The following TMEM71 variants were observed in gnomAD, a reference collection of about 807,000 sequenced individuals.
TMEM71 encodes transmembrane protein 71.
Under a neutral mutation model 38.0 loss-of-function variants are expected in TMEM71, and 44 were observed. The ratio of observed to expected loss-of-function variants is 1.16; its 90% CI spans 0.91 to 1.49. TMEM71 has a LOEUF of 1.49. TMEM71 is among the 40% of genes most tolerant of loss of function. TMEM71 has a pLI of 0.00. For synonymous variants in TMEM71, 133 were observed against 122.5 expected (o/e 1.09, Z -0.56); for missense variants, 367 against 348.6 (o/e 1.05, Z -0.42).
rs139679751 is a variant in TMEM71 at position 132,757,254 on chromosome 8, A to C, written c.81T>G (p.Ser27=). 3 of 1,611,228 alleles carry C rather than the reference A, an allele frequency of 1.9e-6. No homozygotes were observed. Among genetic ancestry groups the C allele is most frequent in the Non-Finnish European group, 2.5e-6 (3 of 1,178,004 alleles). ...TATACCTTGGGAAAATGCACGTGGG[A>C]GACAGCTCTCCAGCATATTCTCTTT... ...RLEREYAGEL[S]PTCIFPSFTC... The change falls in exon 3 of 10, where the codon TCT becomes TCG. Residue 27 remains serine, a synonymous_variant. Transcript: ENST00000677595.
chr8:132,729,730 T>C (rs909426899), intron 5 of TMEM71, among the ~76,000 whole-genome samples: 41 of 152,028 alleles, frequency 2.7e-4, no homozygotes, highest in African/African-American at 9.4e-4. Flanking sequence ...ATGGATTAAA[T>C]GACATTAGGG....
At chr8:132,759,193 G>T in intron 1 of TMEM71, 1 of 245,928 alleles carries the variant, frequency 4.1e-6, no homozygotes. Context: ...GACTTAAAAA[G>T]GTTGATTTGT....
At chr8:132,740,679 G>A (rs1438923882) in intron 5 of TMEM71, among the ~76,000 whole-genome samples, 1 of 152,204 alleles carries the variant, frequency 6.6e-6, no homozygotes, top group East Asian at 1.9e-4. Flanking sequence ...TGTGATCTGT[G>A]TCAATTGCAT....
At chr8:132,724,189 C>T (rs1336869525) in intron 6 of TMEM71, among the ~76,000 whole-genome samples, 3 of 152,158 alleles carry the variant, frequency 2.0e-5, no homozygotes, top group Admixed American at 6.5e-5. Flanking sequence ...TCTTGATAAA[C>T]ATCTTAACAG....
chr8:132,710,166 T>G lies in TMEM71; in HGVS notation c.*801A>C, dbSNP rs1340978937. The G allele has an allele frequency of 6.6e-6, 1 of 152,112 alleles. No homozygotes were observed. The highest frequency in any genetic ancestry group is 2.4e-5 in the African/African-American group (1 of 41,416). 9.4% of individuals were successfully genotyped at this position (152,112 alleles called of 1,614,324 possible). Reference sequence around the variant, plus strand: ...AAGTGTGGGGGGTGGAAAGGGAACATCTACAGCCCTTGAGTCAAGGCTCAA... The same window carrying G: ...AAGTGTGGGGGGTGGAAAGGGAACAGCTACAGCCCTTGAGTCAAGGCTCAA... On this transcript the variant is annotated 3_prime_UTR_variant, in exon 10 of 10. Coordinates refer to ENST00000677595, the MANE Select transcript of TMEM71 (RefSeq NM_001382403.1).
At chr8:132,752,871 GGA>G (rs1828801292) in intron 3 of TMEM71, among the ~76,000 whole-genome samples, 1 of 147,432 alleles carries the variant, frequency 6.8e-6, no homozygotes, top group Non-Finnish European at 1.5e-5. Context: ...AAGGAAGGAA[GGA>G]AGGAAGGAAG....
intron 6 of TMEM71, among the ~76,000 whole-genome samples, chr8:132,727,087 C>A (rs993111415): frequency 6.6e-6 from 1 of 151,826 alleles, no homozygotes; most frequent in Non-Finnish European, 1.5e-5. Context: ...AAACTCCTGA[C>A]CTCAGGTGTT....
intron 4 of TMEM71, among the ~76,000 whole-genome samples, chr8:132,747,391 T>C (rs1237871706): frequency 6.6e-6 from 1 of 152,242 alleles, no homozygotes; most frequent in Non-Finnish European, 1.5e-5. Flanking sequence ...CTAGAGTTTA[T>C]TCTATGCCTT....
chr8:132,763,469 A>T (rs1829327468), upstream of TMEM71, among the ~76,000 whole-genome samples: 1 of 152,200 alleles, frequency 6.6e-6, no homozygotes, highest in Non-Finnish European at 1.5e-5. Flanking sequence ...TTCTAAAAGC[A>T]TGTTCCACAG....
chr8:132,744,663 C>T (rs1828234539), intron 5 of TMEM71, among the ~76,000 whole-genome samples: 1 of 152,084 alleles, frequency 6.6e-6, no homozygotes, highest in Admixed American at 6.6e-5. Context: ...TTATTTTTCA[C>T]AGGGTTGGAA....
intron 4 of TMEM71, 30 bp from the exon 5 acceptor site, chr8:132,747,144 C>G (rs544276408): frequency 1.3e-6 from 2 of 1,530,978 alleles, no homozygotes; most frequent in African/African-American, 2.8e-5. Flanking sequence ...TGGTGAACAA[C>G]GAATAATAGT....
At position 132,727,781 on chromosome 8, in the gene TMEM71, A is replaced by G; in HGVS notation, c.676+17T>C. 4 of 1,562,730 alleles carry G rather than the reference A, an allele frequency of 2.6e-6. No individual in the cohort carries two copies. The highest frequency in any genetic ancestry group is 2.6e-6 in the Non-Finnish European group (3 of 1,156,046). On this transcript the variant is annotated intron_variant, in intron 6 of 9. Transcript: ENST00000677595. ...AATTCTTTGGGTGTGGCAAATATTTAAAACACCTGAACTCACCTGAATGAT... is the reference window on the plus strand; with the variant it reads ...AATTCTTTGGGTGTGGCAAATATTTGAAACACCTGAACTCACCTGAATGAT...
chr8:132,713,207 C>CTTTTTTTTTTTTTTTTTTTTTTTTTTTTT (rs1826327346), intron 9 of TMEM71, among the ~76,000 whole-genome samples: 3 of 150,792 alleles, frequency 2.0e-5, no homozygotes, highest in African/African-American at 7.5e-5. Flanking sequence ...ATTCGATTTT[C>CTTTTTTTTTTTTTTTTTTTTTTTTTTTTT]TAAATATCAG....
chr8:132,727,413 T>G (rs955578506), intron 6 of TMEM71, among the ~76,000 whole-genome samples: 4 of 152,012 alleles, frequency 2.6e-5, no homozygotes, highest in Non-Finnish European at 5.9e-5. Context: ...CCCGCCACCA[T>G]GCCCAGCTAA....
chr8:132,744,796 T>C (rs761038732), intron 5 of TMEM71, among the ~76,000 whole-genome samples: 5 of 152,150 alleles, frequency 3.3e-5, no homozygotes, highest in Non-Finnish European at 5.9e-5. Context: ...AAGGCAATAG[T>C]AACCAAAACA....
At chr8:132,761,779 G>A (rs1057366511), upstream of TMEM71, among the ~76,000 whole-genome samples, 2 of 152,172 alleles carry the variant, frequency 1.3e-5, no homozygotes, top group African/African-American at 2.4e-5. Context: ...TTACTTTCTT[G>A]CTTGCCTGCT....
chr8:132,758,932 A>C lies in TMEM71; in HGVS notation c.-36-17T>G, dbSNP rs1484015388. 4 of 1,524,668 alleles carry C rather than the reference A, an allele frequency of 2.6e-6. No homozygotes were observed. The highest frequency in any genetic ancestry group is 3.6e-6 in the Non-Finnish European group (4 of 1,099,580). The allele number at this position is 1,524,668 out of a possible 1,614,324, so 94.4% of individuals were successfully genotyped here. A position where few individuals can be genotyped will look rare whatever the true frequency, so the allele number is the denominator to read the frequency against. ...ACAGATTCTCTGCAAAAGATGTTAA[A>C]AAAAAGGTGGACTATATATTAAAAA... On this transcript the variant is annotated splice_polypyrimidine_tract_variant and intron_variant, in intron 1 of 9. Coordinates refer to ENST00000677595, the MANE Select transcript of TMEM71 (RefSeq NM_001382403.1).
chr8:132,758,752 A>G, intron 2 of TMEM71, 88 bp downstream of exon 2: 4 of 1,118,910 alleles, frequency 3.6e-6, no homozygotes, highest in Non-Finnish European at 5.5e-6. Context: ...TAATGGTCTG[A>G]GTATCAGCAA....
intron 5 of TMEM71, among the ~76,000 whole-genome samples, chr8:132,736,881 AC>A (rs1827779826): frequency 6.6e-6 from 1 of 152,200 alleles, no homozygotes; most frequent in South Asian, 2.1e-4. Flanking sequence ...TCTCACAACA[AC>A]AATAACAAAT....
Sources: gnomAD v4.1 joint callset for allele counts (sites outside exome capture counted in the v4.1 genomes callset) on GRCh38, gnomAD v4.1.1 for gene constraint, MANE v1.5 for transcripts, NCBI Gene and HGNC (gene_info 2026-07-23, HGNC 2026-07-21) for gene names.